The following IK variants were observed in gnomAD, a reference collection of about 807,000 sequenced individuals.
IK encodes the protein protein Red.
IK carries 47 observed loss-of-function variants against 90.9 expected under a neutral mutation model. That is an observed-to-expected ratio of 0.52 (90% CI 0.41 to 0.66). The LOEUF is 0.66. Ranked by LOEUF, IK falls within the 30% of genes least tolerant of loss-of-function variation. The probability of loss-of-function intolerance (pLI) is 0.00; values close to 1 mark genes in which losing one functional copy is unlikely to be tolerated. For synonymous variants in IK, 201 were observed against 227.5 expected, an observed-to-expected ratio of 0.88 and a Z score of 1.05; for missense variants, 385 against 709.3, an observed-to-expected ratio of 0.54 and a Z score of 5.19.
intron 10 of IK, 65 bp from the exon 11 acceptor site, chr5:140,658,672 G>C: frequency 7.8e-7 from 1 of 1,284,676 alleles, no homozygotes; most frequent in Non-Finnish European, 1.1e-6. Context: ...GAGCTGGAGA[G>C]GATGGTGAAG....
intron 15 of IK, chr5:140,660,480 T>G (rs1419130523): frequency 1.9e-6 from 1 of 539,300 alleles, no homozygotes; most frequent in Non-Finnish European, 3.3e-6. Flanking sequence ...GTATTTTTAG[T>G]AGAGATGAGG....
Position 140,659,304 on chromosome 5 carries a change from G to A in IK, c.1177-11G>A, listed in dbSNP as rs747919126. 1 of 1,613,976 alleles carries A rather than the reference G, an allele frequency of 6.2e-7. No homozygotes were observed. The highest frequency in any genetic ancestry group is 8.5e-7 in the Non-Finnish European group (1 of 1,179,872). On this transcript the variant is annotated splice_polypyrimidine_tract_variant and intron_variant, in intron 12 of 19. Transcript: ENST00000417647. ...TGGTAACACTAACTTCACATTTTGTGTTCTTTCCAGCCCATGGACGTTGAC... is the reference window on the plus strand; with the variant it reads ...TGGTAACACTAACTTCACATTTTGTATTCTTTCCAGCCCATGGACGTTGAC...
chr5:140,648,741 G>GTTTT, intron 2 of IK: 49 of 466,206 alleles, frequency 1.1e-4, no homozygotes, highest in South Asian at 2.2e-4. Flanking sequence ...AAGGTGTTAA[G>GTTTT]TTTTTTTTTT....
At chr5:140,660,925 C>A in intron 16 of IK, 110 bp downstream of exon 16, 1 of 765,960 alleles carries the variant, frequency 1.3e-6, no homozygotes, top group Non-Finnish European at 2.3e-6. Flanking sequence ...CCCCACCCTC[C>A]TTTAGCTGCA....
Position 140,662,479 on chromosome 5 carries a change from T to C in IK, c.*150T>C. The C allele has an allele frequency of 1.2e-6, 1 of 819,146 alleles. No individual in the cohort carries two copies. The highest frequency in any genetic ancestry group is 2.2e-5 in the Admixed American group (1 of 45,152). 50.7% of individuals were successfully genotyped at this position (819,146 alleles called of 1,614,324 possible). On this transcript the variant is annotated 3_prime_UTR_variant, in exon 20 of 20. Coordinates refer to ENST00000417647, the MANE Select transcript of IK (RefSeq NM_006083.4). ...GTTCCATTAAAATTGGTTAACTTGC[T>C]ATTTTCTTTGTTGAGCATGTCCCCT...
In IK at chr5:140,647,875, C is replaced by G. The variant is rs535080968; in HGVS notation, c.-34C>G. The G allele has an allele frequency of 1.2e-6, 2 of 1,613,472 alleles. No individual in the cohort carries two copies. The highest frequency in any genetic ancestry group is 3.3e-5 in the Admixed American group (2 of 59,988). The stretch of plus-strand genomic sequence containing the variant: ...CGCTGCGGTGTTGCTGTTGGAGACT[C>G]GATTGTTGGTGACAGCGAAAGAACG... On this transcript the variant is annotated 5_prime_UTR_variant, in exon 1 of 20. Transcript: ENST00000417647.
intron 2 of IK, among the ~76,000 whole-genome samples, chr5:140,650,123 G>A (rs142162768): frequency 5.3e-5 from 8 of 152,114 alleles, no homozygotes; most frequent in African/African-American, 1.9e-4. Flanking sequence ...ATCAACCACC[G>A]CTCCACCCCC....
intron 2 of IK, among the ~76,000 whole-genome samples, chr5:140,651,103 C>T (rs1757607844): frequency 6.6e-6 from 1 of 152,168 alleles, no homozygotes; most frequent in South Asian, 2.1e-4. Context: ...AATTCTCACT[C>T]ACACTTGATT....
intron 9 of IK, among the ~76,000 whole-genome samples, chr5:140,656,455 G>GA (rs1432707423): frequency 2.6e-5 from 4 of 152,174 alleles, no homozygotes; most frequent in African/African-American, 7.2e-5. Context: ...AAAGTACTGG[G>GA]ATTACAGGCA....
rs979288237 is a variant in IK, at chr5:140,648,927, T to C, written c.83+390T>C. 2.7e-5 allele frequency: 6 copies of C among 220,056 alleles called. No homozygotes were observed. The East Asian group carries it at 7.2e-4, about 26-fold the overall frequency. 13.6% of individuals were successfully genotyped at this position (220,056 alleles called of 1,614,324 possible). A position where few individuals can be genotyped will look rare whatever the true frequency, so the allele number is the denominator to read the frequency against. On this transcript the variant is annotated intron_variant, in intron 2 of 19. Coordinates refer to ENST00000417647, the MANE Select transcript of IK (RefSeq NM_006083.4). ...ATCTCGGCTCACCACAACCTCCGCC[T>C]CCCGGGTTCAAGCAATTCTCCTGCC...
intron 1 of IK, chr5:140,648,268 T>A (rs1757529670): frequency 1.4e-6 from 1 of 708,524 alleles, no homozygotes; most frequent in African/African-American, 1.7e-5. Context: ...AAGTCTTCTC[T>A]GATCCTCCAG....
chr5:140,653,130 C>T lies in IK; in HGVS notation c.390C>T (p.Gly130=), dbSNP rs1372778962. The change falls in exon 5 of 20, where the codon GGC becomes GGT. Residue 130 remains glycine, a synonymous_variant. Transcript: ENST00000417647. The part of the protein sequence containing the change: ...ISTTANYRAV[G]PTAEADKSAA... ...CCACAGCTAACTATAGGGCTGTTGGCCCCACTGCTGAGGCGTGAGTACTGA... is the reference window on the plus strand; with the variant it reads ...CCACAGCTAACTATAGGGCTGTTGGTCCCACTGCTGAGGCGTGAGTACTGA... 1.2e-6 allele frequency: 2 copies of T among 1,613,590 alleles called. No homozygotes were observed.
chr5:140,661,785 G>A lies in IK; in HGVS notation c.1502+77G>A. 1 of 1,414,288 alleles carries A rather than the reference G, an allele frequency of 7.1e-7. No homozygotes were observed. Among genetic ancestry groups the A allele is most frequent in the Admixed American group, 2.0e-5 (1 of 51,232 alleles). 87.6% of individuals were successfully genotyped at this position (1,414,288 alleles called of 1,614,324 possible). ...GTGGAATAGTGCATATAAGGTTAGA[G>A]GGTGTGGTCTGGCTGAGATGTTCCC... On this transcript the variant is annotated intron_variant, in intron 17 of 19. Coordinates refer to ENST00000417647, the MANE Select transcript of IK (RefSeq NM_006083.4). This position sits in a 1 kb window ranked among gnomAD's most constrained non-coding sequence, Gnocchi z 4.2.
chr5:140,654,290 C>T (rs189370700), intron 6 of IK, among the ~76,000 whole-genome samples: 6 of 152,356 alleles, frequency 3.9e-5, no homozygotes, highest in African/African-American at 1.4e-4. Flanking sequence ...TCACCTCCTG[C>T]TTCCTGTACC....
intron 9 of IK, among the ~76,000 whole-genome samples, 156 bp downstream of exon 9, chr5:140,656,148 A>T (rs73791735): frequency 6.6e-6 from 1 of 152,098 alleles, no homozygotes; most frequent in East Asian, 1.9e-4. Flanking sequence ...CCACTTTTTC[A>T]CCAATAACAT....
intron 15 of IK, 197 bp from the exon 16 acceptor site, chr5:140,660,561 G>A (rs1757787598): frequency 1.8e-6 from 1 of 559,834 alleles, no homozygotes. Flanking sequence ...GCCTCCAAAA[G>A]TGCGGGGATT....
chr5:140,656,015 GC>G, intron 9 of IK, 23 bp downstream of exon 9: 2 of 1,550,342 alleles, frequency 1.3e-6, no homozygotes, highest in Non-Finnish European at 1.7e-6. Flanking sequence ...AATCCTGAGA[GC>G]CTATCATGTG....
chr5:140,656,405 C>A (rs770112311), intron 9 of IK, among the ~76,000 whole-genome samples: 1 of 152,146 alleles, frequency 6.6e-6, no homozygotes, highest in Non-Finnish European at 1.5e-5. Context: ...GTTGGCTAGG[C>A]TATTCCTGAC....
chr5:140,661,368 C>G lies in IK; in HGVS notation c.1414-252C>G. The G allele has an allele frequency of 2.3e-6, 1 of 436,962 alleles. No individual in the cohort carries two copies. The highest frequency in any genetic ancestry group is 2.8e-5 in the South Asian group (1 of 35,888). 27.1% of individuals were successfully genotyped at this position (436,962 alleles called of 1,614,324 possible). A position where few individuals can be genotyped will look rare whatever the true frequency, so the allele number is the denominator to read the frequency against. On this transcript the variant is annotated intron_variant, in intron 16 of 19. Coordinates refer to ENST00000417647, the MANE Select transcript of IK (RefSeq NM_006083.4). This position sits in a 1 kb window ranked among gnomAD's most constrained non-coding sequence, Gnocchi z 4.2. ...ACTGTTTATGCCTCAGTTTCCTCAT[C>G]AGGAAAATGGAGAGAAATATAGTTC...
Sources: gnomAD v4.1 joint callset for allele counts (sites outside exome capture counted in the v4.1 genomes callset) on GRCh38, gnomAD v4.1.1 for gene constraint, Gnocchi (gnomAD v3.1) non-coding constraint, MANE v1.5 for transcripts, NCBI Gene and HGNC (gene_info 2026-07-23, HGNC 2026-07-21) for gene names.